PKD1L1: variants seen among roughly 807,000 people sequenced by gnomAD.
The protein encoded by PKD1L1 is polycystin-1-like protein 1.
A neutral mutation model predicts 323.4 loss-of-function variants in PKD1L1; 236 were observed. The ratio of observed to expected loss-of-function variants is 0.73; its 90% CI spans 0.66 to 0.81. PKD1L1 has a LOEUF of 0.81. Among genes scored for constraint, PKD1L1 ranks in the 40% least tolerant of loss-of-function variants. PKD1L1 has a pLI of 0.00. For missense variants in PKD1L1, 3,320 were observed against 3,508.0 expected (o/e 0.95, Z 1.35); for synonymous variants, 1,344 against 1,335.0 (o/e 1.01, Z -0.15).
intron 32 of PKD1L1, among the ~76,000 whole-genome samples, chr7:47,846,442 G>A (rs1356053804): frequency 6.6e-6 from 1 of 152,136 alleles, no homozygotes; most frequent in Non-Finnish European, 1.5e-5. Context: ...TGAAGATGAG[G>A]GACTCTCAGG....
At position 47,908,179 on chromosome 7, in the gene PKD1L1, A is replaced by C. The variant is rs1352872722; in HGVS notation, c.1300T>G (p.Tyr434Asp). Reference sequence around the variant, plus strand: ...ACGGCCTCATGGCCAATCTCCACATAATAAGGCCCAAGCTCCACTTCGGTT... The same window carrying C: ...ACGGCCTCATGGCCAATCTCCACATCATAAGGCCCAAGCTCCACTTCGGTT... Reference protein sequence around the residue: ...HGTEVELGPYYVEIGHEAVSA... With the variant: ...HGTEVELGPYDVEIGHEAVSA... Residue 434 changes from tyrosine to aspartate, a missense_variant, in exon 9 of 57, where the codon TAT becomes GAT. By Grantham distance (160) the Tyr-to-Asp change is radical (BLOSUM62 -3). Coordinates refer to ENST00000289672, the MANE Select transcript of PKD1L1 (RefSeq NM_138295.5). 5.6e-6 allele frequency: 9 copies of C among 1,614,116 alleles called. No homozygotes were observed. Among genetic ancestry groups the C allele is most frequent in the East Asian group, 2.2e-5 (1 of 44,902 alleles).
intron 28 of PKD1L1, among the ~76,000 whole-genome samples, chr7:47,856,515 A>C (rs1785908162): frequency 6.6e-6 from 1 of 152,178 alleles, no homozygotes; most frequent in Admixed American, 6.5e-5. Context: ...GTTCTGAACA[A>C]ATCTTTTCTC....
At chr7:47,807,530 G>A (rs2128728140) in intron 52 of PKD1L1, among the ~76,000 whole-genome samples, 1 of 152,276 alleles carries the variant, frequency 6.6e-6, no homozygotes, top group Non-Finnish European at 1.5e-5. Context: ...GGGAAAAGGA[G>A]GACAAGGGGG....
Position 47,931,099 on chromosome 7 carries a change from C to G in PKD1L1, c.737+5G>C. Reference sequence around the variant, plus strand: ...GTGCTGGCCTCCATACCTCCTTCACCGTACCTTCTGGGAGAAGTGGGAAAA... The same window carrying G: ...GTGCTGGCCTCCATACCTCCTTCACGGTACCTTCTGGGAGAAGTGGGAAAA... On this transcript the variant is annotated splice_donor_5th_base_variant and intron_variant, in intron 6 of 56. Coordinates refer to ENST00000289672, the MANE Select transcript of PKD1L1 (RefSeq NM_138295.5). The G allele has an allele frequency of 6.2e-7, 1 of 1,613,054 alleles. No individual in the cohort carries two copies. The highest frequency in any genetic ancestry group is 1.1e-5 in the South Asian group (1 of 90,978).
intron 52 of PKD1L1, among the ~76,000 whole-genome samples, chr7:47,805,097 ACACACACAC>A (rs1784749715): frequency 2.3e-5 from 3 of 128,328 alleles, no homozygotes; most frequent in African/African-American, 7.6e-5. Context: ...ACACACACAC[ACACACACAC>A]ACACACACAC....
chr7:47,777,329 G>A (rs976532873), intron 56 of PKD1L1, among the ~76,000 whole-genome samples: 9 of 152,220 alleles, frequency 5.9e-5, no homozygotes, highest in Non-Finnish European at 1.2e-4. Context: ...CATATCTAAT[G>A]ATAAGACCGA....
At chr7:47,884,957 C>T (rs1786649655) in intron 18 of PKD1L1, among the ~76,000 whole-genome samples, 1 of 152,184 alleles carries the variant, frequency 6.6e-6, no homozygotes, top group South Asian at 2.1e-4. Flanking sequence ...GTCTCTGCCA[C>T]CACACCCAGC....
rs1432937606 is a variant in PKD1L1, at chr7:47,826,741, A to G, written c.6854+609T>C. ...TGATGGGAGGGGGATGGTACCACTG[A>G]GAGAAATGTGTTGGAGGTAGAAGTT... On this transcript the variant is annotated intron_variant, in intron 45 of 56. Coordinates refer to ENST00000289672, the MANE Select transcript of PKD1L1 (RefSeq NM_138295.5). Among the ~76,000 whole-genome samples the G allele has an allele frequency of 1.3e-5, 2 of 152,320 alleles. 1 individual carries two copies. Among genetic ancestry groups the G allele is most frequent in the African/African-American group, 4.8e-5 (2 of 41,578 alleles).
At position 47,857,668 on chromosome 7, in the gene PKD1L1, G is replaced by C. The variant is rs1785933619; in HGVS notation, c.4527C>G (p.Cys1509Trp). Residue 1509 changes from cysteine to tryptophan, a missense_variant, in exon 28 of 57, where the codon TGC becomes TGG. Physicochemically the swap from Cys to Trp is radical, Grantham distance 215 (BLOSUM62 -2). Coordinates refer to ENST00000289672, the MANE Select transcript of PKD1L1 (RefSeq NM_138295.5). The stretch of plus-strand genomic sequence containing the variant: ...TGAAGAGTATGAGCTGGCTAATGTA[G>C]CATGGGCTCTGTGTCTCCGCCCCAG... Reference protein sequence around the residue: ...SPAGAETQSPCYISQLILFKK... With the variant: ...SPAGAETQSPWYISQLILFKK... 1.2e-6 allele frequency: 2 copies of C among 1,614,062 alleles called. No homozygotes were observed. The highest frequency in any genetic ancestry group is 1.3e-5 in the African/African-American group (1 of 74,932).
intron 23 of PKD1L1, 83 bp from the exon 24 acceptor site, chr7:47,874,093 G>A: frequency 1.2e-6 from 1 of 847,160 alleles, no homozygotes; most frequent in Non-Finnish European, 1.9e-6. Context: ...AGCATCTTCT[G>A]GATGACTAAA....
Position 47,815,389 on chromosome 7 carries a change from A to C in PKD1L1, c.7034T>G (p.Leu2345Arg). ...ADWWDWSLTT[L>R]LDGLYPGGTP... is the part of the protein sequence containing the mutation. ...GCCTCCCGGGTACAGGCCATCCAGA[A>C]GTGTGGTCAGACTCCAGTCCCACCA... The change falls in exon 47 of 57, where the codon CTT becomes CGT. Residue 2345 changes from leucine to arginine, a missense_variant. Coordinates refer to ENST00000289672, the MANE Select transcript of PKD1L1 (RefSeq NM_138295.5). 6.2e-7 allele frequency: 1 copy of C among 1,614,136 alleles called. No individual in the cohort carries two copies.
Position 47,824,797 on chromosome 7 carries a change from T to C in PKD1L1, c.6854+2553A>G, listed in dbSNP as rs1054754376. Among the ~76,000 whole-genome samples the C allele has an allele frequency of 5.3e-5, 8 of 152,204 alleles. No individual in the cohort carries two copies. In the South Asian group the frequency reaches 1.7e-3, roughly 32 times the overall value. On this transcript the variant is annotated intron_variant, in intron 45 of 56. Coordinates refer to ENST00000289672, the MANE Select transcript of PKD1L1 (RefSeq NM_138295.5). ...TAGGAGCCTGGAGGGGTAGTCTTCATGCTTCTACATAGCTGGACACTACTA... is the reference window on the plus strand; with the variant it reads ...TAGGAGCCTGGAGGGGTAGTCTTCACGCTTCTACATAGCTGGACACTACTA...
intron 56 of PKD1L1, 115 bp downstream of exon 56, chr7:47,792,511 TA>T: frequency 9.4e-7 from 1 of 1,061,196 alleles, no homozygotes; most frequent in Non-Finnish European, 1.4e-6. Context: ...GTATGATATC[TA>T]AAGAATATTT....
chr7:47,851,837 A>G (rs1405026217), intron 31 of PKD1L1, among the ~76,000 whole-genome samples: 1 of 152,198 alleles, frequency 6.6e-6, no homozygotes, highest in African/African-American at 2.4e-5. Flanking sequence ...AAGTCTGAAA[A>G]AAAGGCAAAA....
In PKD1L1 at chr7:47,800,653, C is replaced by A. The variant is rs763504220; in HGVS notation, c.8189G>T (p.Gly2730Val). Residue 2730 changes from glycine (G) to valine (V), a missense_variant, in exon 54 of 57, where the codon GGA becomes GTA. Coordinates refer to ENST00000289672, the MANE Select transcript of PKD1L1 (RefSeq NM_138295.5). The part of the protein sequence containing the change: ...LLIVSATLCF[G>V]MLRGFLMTLP... The stretch of plus-strand genomic sequence containing the variant: ...GTTGGGGATGTGTTTACTTACCATT[C>A]CAAAACACAGTGTGGCAGAGACTAT... 2 of 1,613,740 alleles carry A rather than the reference C, an allele frequency of 1.2e-6. No individual in the cohort carries two copies. The highest frequency in any genetic ancestry group is 1.7e-6 in the Non-Finnish European group (2 of 1,179,626).
chr7:47,854,763 C>A, intron 30 of PKD1L1, 119 bp downstream of exon 30: 1 of 1,258,026 alleles, frequency 7.9e-7, no homozygotes, highest in East Asian at 2.4e-5. Flanking sequence ...TTTCTTTAAA[C>A]AATGAGCCTC....
intron 56 of PKD1L1, among the ~76,000 whole-genome samples, chr7:47,782,884 T>C (rs1390342308): frequency 6.6e-6 from 1 of 152,234 alleles, no homozygotes; most frequent in African/African-American, 2.4e-5. Context: ...TGGGAACTGC[T>C]GTACTAGATT....
chr7:47,848,454 T>C (rs557546916), intron 31 of PKD1L1, among the ~76,000 whole-genome samples: 26 of 152,194 alleles, frequency 1.7e-4, no homozygotes, highest in African/African-American at 6.0e-4. Flanking sequence ...GGGGAAATAA[T>C]GTGGGTATGC....
At chr7:47,949,690 G>A (rs75375438), upstream of PKD1L1, among the ~76,000 whole-genome samples, 1 of 152,138 alleles carries the variant, frequency 6.6e-6, no homozygotes, top group Non-Finnish European at 1.5e-5. Context: ...GTTTTACTCA[G>A]AACACTAGAT....
Sources: gnomAD v4.1 joint callset for allele counts (sites outside exome capture counted in the v4.1 genomes callset) on GRCh38, gnomAD v4.1.1 for gene constraint, MANE v1.5 for transcripts, NCBI Gene and HGNC (gene_info 2026-07-23, HGNC 2026-07-21) for gene names.